Variants in NFIB observed in about 807,000 individuals in gnomAD.
NFIB encodes the protein nuclear factor 1 B-type.
A neutral mutation model predicts 61.5 loss-of-function variants in NFIB; 11 were observed. The ratio of observed to expected loss-of-function variants is 0.18; its 90% CI spans 0.11 to 0.30. The LOEUF is 0.30. Ranked by LOEUF, NFIB falls within the 10% of genes least tolerant of loss-of-function variation. The pLI, the probability that NFIB is intolerant of heterozygous loss-of-function variation, is 1.00. For synonymous variants in NFIB, 260 were observed against 216.5 expected (o/e 1.20, Z -1.76); for missense variants, 471 against 608.9 (o/e 0.77, Z 2.38).
At chr9:14,253,639 TG>T (rs960098414) in intron 2 of NFIB, among the ~76,000 whole-genome samples, 7 of 152,044 alleles carry the variant, frequency 4.6e-5, no homozygotes, top group African/African-American at 1.7e-4. Context: ...GGGACCACTC[TG>T]GGCAATACAG....
At chr9:14,114,626 G>T (rs1377666017) in intron 9 of NFIB, among the ~76,000 whole-genome samples, 1 of 152,138 alleles carries the variant, frequency 6.6e-6, no homozygotes, top group Non-Finnish European at 1.5e-5. Context: ...AGTCAAATCA[G>T]ATCCCTTTTT....
intron 2 of NFIB, among the ~76,000 whole-genome samples, chr9:14,231,695 T>G (rs2053211099): frequency 6.6e-6 from 1 of 152,208 alleles, no homozygotes; most frequent in African/African-American, 2.4e-5. Context: ...TGATTGCTGA[T>G]GGTGAAGTGC....
chr9:14,401,992 G>A (rs988022786), upstream of NFIB, among the ~76,000 whole-genome samples: 4 of 152,084 alleles, frequency 2.6e-5, no homozygotes, highest in East Asian at 1.9e-4. Context: ...CTTAGTGTAC[G>A]TGTGCATGTA....
upstream of NFIB, among the ~76,000 whole-genome samples, chr9:14,401,911 T>C (rs1339818263): frequency 6.6e-6 from 1 of 152,234 alleles, no homozygotes; most frequent in Admixed American, 6.5e-5. Flanking sequence ...CTTTTGCTTA[T>C]ATGAATGTCA....
chr9:14,325,981 C>G (rs1042595300), intron 1 of NFIB, among the ~76,000 whole-genome samples: 1 of 152,116 alleles, frequency 6.6e-6, no homozygotes, highest in Non-Finnish European at 1.5e-5. Flanking sequence ...TTTATTGCCT[C>G]AGGCAATAGT....
the NFIB span, among the ~76,000 whole-genome samples, chr9:14,487,353 A>G: frequency 6.6e-6 from 1 of 152,240 alleles, no homozygotes; most frequent in African/African-American, 2.4e-5. Context: ...CCCTTTTACA[A>G]TTAATTTAGG....
At chr9:14,257,719 G>C (rs1039729582) in intron 2 of NFIB, among the ~76,000 whole-genome samples, 2 of 152,096 alleles carry the variant, frequency 1.3e-5, no homozygotes, top group African/African-American at 4.8e-5. Flanking sequence ...TCGCTTCACA[G>C]CACTTTAGCC....
At chr9:14,419,422 C>T in the NFIB span, among the ~76,000 whole-genome samples, 1 of 152,004 alleles carries the variant, frequency 6.6e-6, no homozygotes, top group Non-Finnish European at 1.5e-5. Context: ...AGGATTAATC[C>T]CTACCAACCA....
At chr9:14,107,106 C>G (rs1029181014) in intron 10 of NFIB, among the ~76,000 whole-genome samples, 1 of 151,772 alleles carries the variant, frequency 6.6e-6, no homozygotes, top group Non-Finnish European at 1.5e-5. Context: ...GCTCTTTTTG[C>G]GGTGGAAAAC....
intron 1 of NFIB, among the ~76,000 whole-genome samples, chr9:14,320,092 G>A (rs2060628331): frequency 6.6e-6 from 1 of 152,132 alleles, no homozygotes; most frequent in Non-Finnish European, 1.5e-5. Flanking sequence ...TCAAAATTAT[G>A]CTGCTGTTCA....
chr9:14,439,529 A>G, the NFIB span, among the ~76,000 whole-genome samples: 1 of 152,250 alleles, frequency 6.6e-6, no homozygotes, highest in East Asian at 1.9e-4. Flanking sequence ...GGTACTTAGT[A>G]AGTGCTTAAT....
the NFIB span, among the ~76,000 whole-genome samples, chr9:14,429,742 C>G: frequency 1.3e-5 from 2 of 152,196 alleles, no homozygotes; most frequent in Non-Finnish European, 1.5e-5. Context: ...AGGAGCGCCG[C>G]CTCCCCACCA....
chr9:14,222,288 C>T (rs1046660442), intron 2 of NFIB, among the ~76,000 whole-genome samples: 2 of 152,124 alleles, frequency 1.3e-5, no homozygotes, highest in African/African-American at 4.8e-5. Flanking sequence ...TAAGATGGCC[C>T]CTAAGACTTC....
chr9:14,384,828 C>T (rs1361024269), intron 1 of NFIB, among the ~76,000 whole-genome samples: 3 of 152,090 alleles, frequency 2.0e-5, no homozygotes, highest in Non-Finnish European at 4.4e-5. Flanking sequence ...TTATCTCCTT[C>T]CCACAGGTCA....
At chr9:14,453,909 C>T in the NFIB span, among the ~76,000 whole-genome samples, 66 of 151,840 alleles carry the variant, frequency 4.3e-4, no homozygotes, top group Admixed American at 1.7e-3. Flanking sequence ...GGTGAAACCC[C>T]ATCTCTACTA....
intron 2 of NFIB, among the ~76,000 whole-genome samples, chr9:14,216,372 CTG>C (rs2050858931): frequency 6.6e-6 from 1 of 152,082 alleles, no homozygotes; most frequent in South Asian, 2.1e-4. Flanking sequence ...TATTAAGTCT[CTG>C]TGTGGATGAA....
At chr9:14,471,831 T>A in the NFIB span, among the ~76,000 whole-genome samples, 2 of 152,208 alleles carry the variant, frequency 1.3e-5, no homozygotes, top group African/African-American at 4.8e-5. Flanking sequence ...TCTGAGCTGT[T>A]TCCCAGTTGG....
chr9:14,250,443 T>C (rs1206490329), intron 2 of NFIB, among the ~76,000 whole-genome samples: 1 of 152,106 alleles, frequency 6.6e-6, no homozygotes, highest in Non-Finnish European at 1.5e-5. Flanking sequence ...GAAGACAGAT[T>C]TCCAAAACTT....
chr9:14,438,748 G>C, the NFIB span, among the ~76,000 whole-genome samples: 1 of 152,134 alleles, frequency 6.6e-6, no homozygotes, highest in Non-Finnish European at 1.5e-5. Context: ...TGGAAACCTC[G>C]TGAGCGGGGG....
Sources: allele counts gnomAD v4.1 joint callset (sites outside exome capture counted in the v4.1 genomes callset), GRCh38; gene constraint gnomAD v4.1.1; transcripts MANE v1.5; gene names NCBI Gene and HGNC (gene_info 2026-07-23, HGNC 2026-07-21).